The following THSD4 variants were observed in gnomAD, a reference collection of about 807,000 sequenced individuals.
The protein encoded by THSD4 is thrombospondin type-1 domain-containing protein 4.
In THSD4, 69 loss-of-function variants were observed where a neutral mutation model predicts 119.0. The observed-to-expected ratio is 0.58, with a 90% CI of 0.48 to 0.71. The LOEUF is 0.71. Among genes scored for constraint, THSD4 ranks in the 30% least tolerant of loss-of-function variants. The pLI is 0.00. For synonymous variants in THSD4, 524 were observed against 540.4 expected, an observed-to-expected ratio of 0.97 and a Z score of 0.42; for missense variants, 1,393 against 1,391.1, an observed-to-expected ratio of 1.00 and a Z score of -0.02.
At chr15:71,700,572 T>C (rs2052265279) in intron 8 of THSD4, among the ~76,000 whole-genome samples, 1 of 152,110 alleles carries the variant, frequency 6.6e-6, no homozygotes, top group Admixed American at 6.5e-5. Context: ...ATCACCTGAT[T>C]TTAAAATTCA....
chr15:71,422,923 C>T (rs2046826515), intron 7 of THSD4, among the ~76,000 whole-genome samples: 1 of 152,176 alleles, frequency 6.6e-6, no homozygotes, highest in Admixed American at 6.5e-5. Context: ...TCCCACTCTT[C>T]CTTCCCCTTT....
intron 3 of THSD4, among the ~76,000 whole-genome samples, chr15:71,161,255 G>A (rs1343463162): frequency 6.6e-6 from 1 of 152,050 alleles, no homozygotes; most frequent in Non-Finnish European, 1.5e-5. Flanking sequence ...GTAATTATTT[G>A]TTAGGTCCAT....
At chr15:71,362,139 C>T (rs2045900075) in intron 6 of THSD4, among the ~76,000 whole-genome samples, 1 of 152,084 alleles carries the variant, frequency 6.6e-6, no homozygotes, top group Admixed American at 6.5e-5. Context: ...ATTAGCTGGG[C>T]TTGGTGGTGC....
intron 6 of THSD4, among the ~76,000 whole-genome samples, chr15:71,304,601 G>A (rs188548716): frequency 1.3e-5 from 2 of 152,048 alleles, no homozygotes; most frequent in East Asian, 3.9e-4. Context: ...TTTCCCCCAG[G>A]GGAAACACAA....
Position 71,297,695 on chromosome 15 carries a change from A to C in THSD4, c.1015+40980A>C, listed in dbSNP as rs918822543. Among the ~76,000 whole-genome samples the C allele has an allele frequency of 3.3e-5, 5 of 152,094 alleles. No individual in the cohort carries two copies. The East Asian group carries it at 7.7e-4, about 24-fold the overall frequency. On this transcript the variant is annotated intron_variant, in intron 6 of 17. Coordinates refer to ENST00000261862, the MANE Select transcript of THSD4 (RefSeq NM_024817.3). ...CACTATGTTGCCCAGGCTGGATTCC[A>C]CCTTCTGGACTTAAGCAATCCTTCC...
chr15:71,448,074 AAAAC>A (rs1203125665), intron 7 of THSD4, among the ~76,000 whole-genome samples: 6 of 152,234 alleles, frequency 3.9e-5, no homozygotes, highest in African/African-American at 1.4e-4. Context: ...GGACAATGCC[AAAAC>A]AAACATTGTC....
At chr15:71,510,197 A>G (rs1045128188) in intron 7 of THSD4, among the ~76,000 whole-genome samples, 1 of 152,194 alleles carries the variant, frequency 6.6e-6, no homozygotes, top group South Asian at 2.1e-4. Flanking sequence ...CACAGTGTCT[A>G]GTGTCTGGTA....
intron 8 of THSD4, among the ~76,000 whole-genome samples, chr15:71,712,804 A>AT (rs752703069): frequency 3.9e-5 from 6 of 152,214 alleles, no homozygotes; most frequent in Non-Finnish European, 8.8e-5. Context: ...CAAATGCATT[A>AT]TGCTAAGTGG....
intron 3 of THSD4, among the ~76,000 whole-genome samples, chr15:71,159,286 G>T (rs1174328144): frequency 6.6e-6 from 1 of 152,040 alleles, no homozygotes; most frequent in Non-Finnish European, 1.5e-5. Flanking sequence ...CAGGATTACT[G>T]TGCCTATTTG....
intron 7 of THSD4, among the ~76,000 whole-genome samples, chr15:71,582,536 G>A (rs1367106158): frequency 5.9e-5 from 9 of 152,068 alleles, no homozygotes; most frequent in Non-Finnish European, 8.8e-5. Flanking sequence ...GAAGTGGCAA[G>A]AGTGGACATC....
intron 8 of THSD4, among the ~76,000 whole-genome samples, chr15:71,708,390 G>A (rs1458099503): frequency 2.0e-5 from 3 of 152,142 alleles, no homozygotes; most frequent in South Asian, 2.1e-4. Flanking sequence ...AAGGGCTATC[G>A]GCCTTGTCTT....
At position 71,665,678 on chromosome 15, in the gene THSD4, G is replaced by T. The variant is rs866381164; in HGVS notation, c.1357+4944G>T. ...TATCTTGAGTTGATTTTTATATATG[G>T]TGTAAGCAAGGGGTCCAGTTTCAAT... is the stretch of plus-strand genomic sequence containing the variant. On this transcript the variant is annotated intron_variant, in intron 8 of 17. Transcript: ENST00000261862. Among the ~76,000 whole-genome samples, 7 of 152,214 alleles carry T rather than the reference G, an allele frequency of 4.6e-5. No individual in the cohort carries two copies. In the South Asian group the frequency reaches 1.0e-3, roughly 23 times the overall value.
At chr15:71,248,744 A>T (rs959105743) in intron 5 of THSD4, among the ~76,000 whole-genome samples, 1 of 150,648 alleles carries the variant, frequency 6.6e-6, no homozygotes, top group African/African-American at 2.4e-5. Context: ...CCGAATCTCA[A>T]ATCTAGATTG....
chr15:71,592,864 T>C (rs1366318929), intron 7 of THSD4, among the ~76,000 whole-genome samples: 1 of 152,142 alleles, frequency 6.6e-6, no homozygotes, highest in Non-Finnish European at 1.5e-5. Context: ...CTGAGCTGAC[T>C]GTCCTGCCTG....
intron 5 of THSD4, among the ~76,000 whole-genome samples, chr15:71,248,257 G>T (rs541373163): frequency 4.1e-4 from 63 of 152,234 alleles, no homozygotes; most frequent in African/African-American, 1.4e-3. Context: ...CTCCAGCTTG[G>T]GGGGCAGAGT....
At chr15:71,478,765 C>T (rs75466052) in intron 7 of THSD4, among the ~76,000 whole-genome samples, 4,104 of 152,198 alleles carry the variant, frequency 0.027, 146 homozygotes, top group African/African-American at 0.077. Context: ...ACTCTGGCAA[C>T]CAAATGAGGG....
At chr15:71,392,006 C>T (rs1202812081) in intron 6 of THSD4, among the ~76,000 whole-genome samples, 3 of 152,188 alleles carry the variant, frequency 2.0e-5, no homozygotes, top group African/African-American at 7.2e-5. Flanking sequence ...CCCTACTCTT[C>T]TTCCAGGGAT....
At chr15:71,443,338 G>A (rs1430210122) in intron 7 of THSD4, among the ~76,000 whole-genome samples, 1 of 152,084 alleles carries the variant, frequency 6.6e-6, no homozygotes, top group Non-Finnish European at 1.5e-5. Flanking sequence ...GTTTGTGACC[G>A]AAAGGTGAAG....
intron 7 of THSD4, among the ~76,000 whole-genome samples, chr15:71,631,702 C>T (rs1035412583): frequency 5.3e-5 from 8 of 152,204 alleles, no homozygotes; most frequent in Non-Finnish European, 7.3e-5. Context: ...CTTGGCTACG[C>T]GGTTCCAGTC....
Sources: allele counts gnomAD v4.1 joint callset (sites outside exome capture counted in the v4.1 genomes callset), GRCh38; gene constraint gnomAD v4.1.1; transcripts MANE v1.5; gene names NCBI Gene and HGNC (gene_info 2026-07-23, HGNC 2026-07-21).